Variants in SLC8A2 observed in about 807,000 individuals in gnomAD.
The protein encoded by SLC8A2 is solute carrier family 8 member A2, also known as sodium/calcium exchanger 2.
Under a neutral mutation model 70.2 loss-of-function variants are expected in SLC8A2, and 14 were observed. The observed-to-expected ratio is 0.20, with a 90% CI of 0.13 to 0.31. The LOEUF (loss-of-function observed/expected upper bound fraction) is 0.31. Ranked by LOEUF, SLC8A2 falls within the 10% of genes least tolerant of loss-of-function variation. The pLI is 1.00. For synonymous variants in SLC8A2, 575 were observed against 594.3 expected, an observed-to-expected ratio of 0.97 and a Z score of 0.47; for missense variants, 779 against 1,320.1, an observed-to-expected ratio of 0.59 and a Z score of 6.35.
chr19:47,461,377 C>T (rs1032821387), intron 2 of SLC8A2, among the ~76,000 whole-genome samples: 1 of 151,706 alleles, frequency 6.6e-6, no homozygotes, highest in African/African-American at 2.4e-5. Flanking sequence ...GGTGTGGTGG[C>T]GTGCGCCTGT....
At chr19:47,431,508 A>C (rs1406777203) in intron 9 of SLC8A2, among the ~76,000 whole-genome samples, 1 of 149,512 alleles carries the variant, frequency 6.7e-6, no homozygotes, top group Admixed American at 6.7e-5. Context: ...AATTAGCTGG[A>C]TGTGGTGGCG....
chr19:47,442,404 T>C (rs1359954169), intron 4 of SLC8A2, among the ~76,000 whole-genome samples: 1 of 152,188 alleles, frequency 6.6e-6, no homozygotes, highest in Non-Finnish European at 1.5e-5. Context: ...GTCAAAGTCC[T>C]TAGGATGGCC....
At position 47,447,664 on chromosome 19, in the gene SLC8A2, C is replaced by T. The variant is rs1037714672; in HGVS notation, c.1763+145G>A. ...GGCCCCGCCCACGTTGCGGGCACGG[C>T]CACGCAGGCCCCTCCCCTCCCGAGG... is the stretch of plus-strand genomic sequence containing the variant. On this transcript the variant is annotated intron_variant, in intron 4 of 9. Transcript: ENST00000236877. This position sits in a 1 kb window ranked among gnomAD's most constrained non-coding sequence, Gnocchi z 5.1. The T allele has an allele frequency of 6.0e-5, 51 of 846,724 alleles. No homozygotes were observed. The South Asian group carries it at 9.4e-4, about 16-fold the overall frequency. The allele number at this position is 846,724 out of a possible 1,614,324, so 52.5% of individuals were successfully genotyped here.
intron 2 of SLC8A2, among the ~76,000 whole-genome samples, chr19:47,461,056 G>C (rs568042772): frequency 4.0e-4 from 61 of 152,030 alleles, no homozygotes; most frequent in African/African-American, 1.4e-3. Context: ...TGGGCGTGGT[G>C]GCAGGCGCCT....
At chr19:47,457,669 T>A in intron 2 of SLC8A2, 75 bp from the exon 3 acceptor site, 2 of 1,006,144 alleles carry the variant, frequency 2.0e-6, no homozygotes, top group South Asian at 3.5e-5. Context: ...TCAGTCTCTG[T>A]CCGCCTCTGC....
At chr19:47,452,009 T>G (rs1250589727) in intron 3 of SLC8A2, among the ~76,000 whole-genome samples, 1 of 152,080 alleles carries the variant, frequency 6.6e-6, no homozygotes, top group Non-Finnish European at 1.5e-5. Flanking sequence ...CAGGGATGAC[T>G]GGGGAAATGG....
rs754213649 is a variant in SLC8A2 at position 47,448,074 on chromosome 19, C to G, written c.1498G>C (p.Gly500Arg). Reference sequence around the variant, plus strand: ...GCCACCAGCCGCCCCTTGGGCCGCCCGCCGCCGTCCGGCTCGAACATGCCC... The same window carrying G: ...GCCACCAGCCGCCCCTTGGGCCGCCGGCCGCCGTCCGGCTCGAACATGCCC... ...AQGMFEPDGGGRPKGRLVAPL... is the reference protein window; with the variant it reads ...AQGMFEPDGGRRPKGRLVAPL... The change falls in exon 4 of 10, where the codon GGG becomes CGG. Residue 500 changes from glycine to arginine, a missense_variant. By Grantham distance (125) the Gly-to-Arg change is moderately radical. Coordinates refer to ENST00000236877, the MANE Select transcript of SLC8A2 (RefSeq NM_015063.3). This position sits in a 1 kb window ranked among gnomAD's most constrained non-coding sequence, Gnocchi z 4.8. The G allele has an allele frequency of 6.3e-7, 1 of 1,592,238 alleles. No individual in the cohort carries two copies. Among genetic ancestry groups the G allele is most frequent in the Admixed American group, 1.8e-5 (1 of 56,904 alleles).
In SLC8A2 at chr19:47,430,739, TC is replaced by T. The variant is rs933725193; in HGVS notation, c.2390-275del. 2.0e-5 allele frequency among the ~76,000 whole-genome samples: 3 copies of T among 152,186 alleles called. No individual in the cohort carries two copies. The highest frequency in any genetic ancestry group is 7.2e-5 in the African/African-American group (3 of 41,446). ...ACTCACTGCGTGATTTCTTTTTTTT[TC>T]CTCCGAGACGGAGTTTTGCTCTGTC... On this transcript the variant is annotated intron_variant, in intron 9 of 9. Transcript: ENST00000236877. The surrounding 1 kb of genome is among the most constrained non-coding windows in gnomAD (Gnocchi z 5.9).
intron 4 of SLC8A2, among the ~76,000 whole-genome samples, chr19:47,442,958 C>T (rs1038108866): frequency 2.0e-5 from 3 of 152,210 alleles, no homozygotes. Flanking sequence ...GCTGGGATTA[C>T]AGATGTGAGC....
chr19:47,431,793 C>T (rs891149937), intron 9 of SLC8A2, among the ~76,000 whole-genome samples: 5 of 151,830 alleles, frequency 3.3e-5, no homozygotes, highest in African/African-American at 1.2e-4. Flanking sequence ...ACATCAACAG[C>T]TTGTTTCTAT....
At chr19:47,437,597 C>T in intron 7 of SLC8A2, 36 bp from the exon 8 acceptor site, 1 of 1,512,678 alleles carries the variant, frequency 6.6e-7, no homozygotes, top group Non-Finnish European at 9.2e-7. Flanking sequence ...GTCACTGCCC[C>T]TGAGCGAACC....
chr19:47,464,503 G>A (rs995574850), intron 2 of SLC8A2, among the ~76,000 whole-genome samples: 2 of 152,120 alleles, frequency 1.3e-5, no homozygotes, highest in Non-Finnish European at 2.9e-5. Context: ...TTTTCACCAT[G>A]GCAGATGGGA....
At chr19:47,460,134 C>T (rs1967375944) in intron 2 of SLC8A2, among the ~76,000 whole-genome samples, 1 of 152,174 alleles carries the variant, frequency 6.6e-6, no homozygotes, top group South Asian at 2.1e-4. Flanking sequence ...CACCCATGAC[C>T]CCTACCAGTG....
chr19:47,457,741 GTT>G, intron 2 of SLC8A2, 147 bp from the exon 3 acceptor site: 1 of 410,848 alleles, frequency 2.4e-6, no homozygotes, highest in South Asian at 8.4e-5. Flanking sequence ...ATCCCTTTCT[GTT>G]TCTTTTCTTT....
chr19:47,432,508 C>T lies in SLC8A2; in HGVS notation c.2111-63G>A. On this transcript the variant is annotated intron_variant, in intron 8 of 9. Transcript: ENST00000236877. This position sits in a 1 kb window ranked among gnomAD's most constrained non-coding sequence, Gnocchi z 6.2. ...CTTCCTTCCTTGCCTACAGAGGCCC[C>T]ATTTTGTCTAACTTCCTGACAGCAA... 1 of 1,476,168 alleles carries T rather than the reference C, an allele frequency of 6.8e-7. No individual in the cohort carries two copies. The highest frequency in any genetic ancestry group is 1.3e-5 in the South Asian group (1 of 74,816). 91.4% of individuals were successfully genotyped at this position (1,476,168 alleles called of 1,614,324 possible).
chr19:47,449,603 C>T (rs1232511444), intron 3 of SLC8A2, among the ~76,000 whole-genome samples: 1 of 152,124 alleles, frequency 6.6e-6, no homozygotes. Context: ...GGATTACAGG[C>T]GTGAGCAACC....
intron 8 of SLC8A2, among the ~76,000 whole-genome samples, chr19:47,436,652 G>A (rs1967032413): frequency 6.6e-6 from 1 of 152,132 alleles, no homozygotes; most frequent in South Asian, 2.1e-4. Flanking sequence ...TTGAAGCCCT[G>A]AGCTCCGACC....
Position 47,469,119 on chromosome 19 carries a change from CGTGTGT to C in SLC8A2, c.-17+2664_-17+2669del, listed in dbSNP as rs10670696. On this transcript the variant is annotated intron_variant, in intron 1 of 9. Coordinates refer to ENST00000236877, the MANE Select transcript of SLC8A2 (RefSeq NM_015063.3). Reference sequence around the variant, plus strand: ...AGCAAGCGAGGAGCATGCCTGTGTGCGTGTGTGTGTGTGTGTGTGTGTGTGTGTGTG... The same window carrying C: ...AGCAAGCGAGGAGCATGCCTGTGTGCGTGTGTGTGTGTGTGTGTGTGTGTG... 9.0e-3 allele frequency among the ~76,000 whole-genome samples: 1,295 copies of C among 143,246 alleles called. 16 individuals are homozygous for C. Among genetic ancestry groups the C allele is most frequent in the African/African-American group, 0.03 (1,154 of 38,722 alleles). The allele number at this position is 143,246 out of a possible 152,430, so 94.0% of individuals were successfully genotyped here.
At chr19:47,464,860 T>C (rs1424927901) in intron 2 of SLC8A2, among the ~76,000 whole-genome samples, 2 of 152,206 alleles carry the variant, frequency 1.3e-5, no homozygotes, top group African/African-American at 4.8e-5. Flanking sequence ...AGGCAAACGT[T>C]GTCAAGGAAG....
Sources: allele counts gnomAD v4.1 joint callset (sites outside exome capture counted in the v4.1 genomes callset), GRCh38; gene constraint gnomAD v4.1.1; non-coding constraint Gnocchi (gnomAD v3.1); transcripts MANE v1.5; gene names NCBI Gene and HGNC (gene_info 2026-07-23, HGNC 2026-07-21).